PARP8: variants seen among roughly 807,000 people sequenced by gnomAD.
PARP8 encodes protein mono-ADP-ribosyltransferase PARP8.
In PARP8, 51 loss-of-function variants were observed where a neutral mutation model predicts 124.1. That is an observed-to-expected ratio of 0.41 (90% CI 0.33 to 0.52). The LOEUF is 0.52. Among genes scored for constraint, PARP8 ranks in the 20% least tolerant of loss-of-function variants. The pLI, the probability that PARP8 is intolerant of heterozygous loss-of-function variation, is 0.21. For missense variants in PARP8, 860 were observed against 1,018.9 expected (o/e 0.84, Z 2.12); for synonymous variants, 391 against 361.5 (o/e 1.08, Z -0.93).
intron 22 of PARP8, 25 bp downstream of exon 22, chr5:50,829,986 A>G (rs1746762905): frequency 1.3e-6 from 2 of 1,598,406 alleles, no homozygotes; most frequent in African/African-American, 2.7e-5. Flanking sequence ...TCATTTCTAA[A>G]GTCACATTTA....
At chr5:50,769,366 C>T (rs1173045238) in intron 7 of PARP8, among the ~76,000 whole-genome samples, 2 of 151,458 alleles carry the variant, frequency 1.3e-5, no homozygotes, top group South Asian at 2.1e-4. Context: ...TTGTTTCCCT[C>T]CCATAAAATT....
chr5:50,725,511 T>TG (rs1201825504), intron 2 of PARP8, among the ~76,000 whole-genome samples: 1 of 152,158 alleles, frequency 6.6e-6, no homozygotes, highest in Non-Finnish European at 1.5e-5. Flanking sequence ...GGGAAAATAT[T>TG]GGCTAAATAT....
chr5:50,791,111 G>A (rs915427932), intron 10 of PARP8, among the ~76,000 whole-genome samples: 1 of 152,024 alleles, frequency 6.6e-6, no homozygotes, highest in African/African-American at 2.4e-5. Context: ...TTATCAGTTG[G>A]TTTTCAGTAA....
At chr5:50,736,079 A>G (rs1757446978) in intron 2 of PARP8, among the ~76,000 whole-genome samples, 1 of 151,812 alleles carries the variant, frequency 6.6e-6, no homozygotes, top group Non-Finnish European at 1.5e-5. Context: ...TTGATTCCCA[A>G]AAAATTAGAA....
chr5:50,705,868 C>T (rs923031865), intron 2 of PARP8, among the ~76,000 whole-genome samples: 15 of 152,078 alleles, frequency 9.9e-5, no homozygotes, highest in African/African-American at 2.4e-4. Context: ...TGCCATTTGC[C>T]TGCATTTCAT....
chr5:50,702,497 T>G (rs2149477103), intron 2 of PARP8, among the ~76,000 whole-genome samples: 1 of 152,286 alleles, frequency 6.6e-6, no homozygotes. Context: ...TCTAGGGCGT[T>G]TTTATTTTCT....
At chr5:50,785,054 A>G (rs763069889) in intron 9 of PARP8, among the ~76,000 whole-genome samples, 36 of 151,882 alleles carry the variant, frequency 2.4e-4, no homozygotes, top group Non-Finnish European at 3.8e-4. Flanking sequence ...CATTTATTTT[A>G]ATAATAATAT....
At chr5:50,751,028 T>C (rs760640199) in intron 3 of PARP8, among the ~76,000 whole-genome samples, 1 of 152,158 alleles carries the variant, frequency 6.6e-6, no homozygotes, top group Non-Finnish European at 1.5e-5. Flanking sequence ...CCACTATTTA[T>C]TGTAAATACA....
At chr5:50,824,102 G>A (rs923955328) in intron 17 of PARP8, among the ~76,000 whole-genome samples, 1 of 152,198 alleles carries the variant, frequency 6.6e-6, no homozygotes, top group Non-Finnish European at 1.5e-5. Flanking sequence ...CTGTGAAATG[G>A]TTGTTGGTTA....
In PARP8 at chr5:50,709,953, T is replaced by TACAC. The variant is rs1271777319; in HGVS notation, c.147-40197_147-40196insCACA. Reference sequence around the variant, plus strand: ...ATATATATATATATATATATATATATATACACATACATATATACACACACA... The same window carrying TACAC: ...ATATATATATATATATATATATATATACACATACACATACATATATACACACACA... On this transcript the variant is annotated intron_variant, in intron 2 of 25. Transcript: ENST00000281631. Among the ~76,000 whole-genome samples the TACAC allele has an allele frequency of 1.5e-3, 110 of 75,032 alleles. 1 individual carries two copies. The highest frequency in any genetic ancestry group is 6.5e-3 in the Middle Eastern group (1 of 154). 49.2% of individuals were successfully genotyped at this position (75,032 alleles called of 152,430 possible). A position where few individuals can be genotyped will look rare whatever the true frequency, so the allele number is the denominator to read the frequency against.
At chr5:50,726,879 A>G (rs1167959329) in intron 2 of PARP8, among the ~76,000 whole-genome samples, 1 of 152,092 alleles carries the variant, frequency 6.6e-6, no homozygotes. Context: ...GGAAATTTGT[A>G]TTTTAGAATA....
At chr5:50,833,460 A>C (rs911397873) in intron 23 of PARP8, 10 of 447,006 alleles carry the variant, frequency 2.2e-5, no homozygotes, top group African/African-American at 2.0e-4. Flanking sequence ...ATCATCTGAT[A>C]AGTAGTGTGA....
chr5:50,792,995 T>C (rs528366471), intron 10 of PARP8, among the ~76,000 whole-genome samples: 1 of 152,190 alleles, frequency 6.6e-6, no homozygotes, highest in East Asian at 1.9e-4. Context: ...GCATGTGTTA[T>C]ACATATCAAA....
intron 2 of PARP8, among the ~76,000 whole-genome samples, chr5:50,711,752 T>C (rs1266211367): frequency 6.6e-6 from 1 of 152,100 alleles, no homozygotes; most frequent in Non-Finnish European, 1.5e-5. Context: ...TCAAGGTCCT[T>C]ATGTTTAAAG....
chr5:50,824,873 A>G, intron 17 of PARP8, 35 bp from the exon 18 acceptor site: 3 of 1,564,804 alleles, frequency 1.9e-6, no homozygotes, highest in Non-Finnish European at 2.6e-6. Flanking sequence ...ATGAATTTTT[A>G]TGAAAAATCA....
At chr5:50,788,888 G>C (rs568493678) in intron 10 of PARP8, among the ~76,000 whole-genome samples, 1 of 152,220 alleles carries the variant, frequency 6.6e-6, no homozygotes, top group Non-Finnish European at 1.5e-5. Context: ...TCCCTAACAT[G>C]ACCAGTGGAG....
At chr5:50,667,433 C>CG (rs1749433637) in intron 1 of PARP8, 2 of 701,272 alleles carry the variant, frequency 2.9e-6, no homozygotes, top group South Asian at 3.0e-5. Flanking sequence ...GTGGCCGGAG[C>CG]GGGGGTCTAG....
chr5:50,810,877 T>C (rs1446232795), intron 14 of PARP8, among the ~76,000 whole-genome samples: 1 of 152,072 alleles, frequency 6.6e-6, no homozygotes, highest in Non-Finnish European at 1.5e-5. Context: ...TGGTGTATGG[T>C]ATATAAATTA....
chr5:50,729,827 G>A (rs1244988546), intron 2 of PARP8, among the ~76,000 whole-genome samples: 1 of 152,030 alleles, frequency 6.6e-6, no homozygotes, highest in Non-Finnish European at 1.5e-5. Flanking sequence ...AATACTCATT[G>A]GTTTTAAAAG....
Sources: allele counts gnomAD v4.1 joint callset (sites outside exome capture counted in the v4.1 genomes callset), GRCh38; gene constraint gnomAD v4.1.1; transcripts MANE v1.5; gene names NCBI Gene and HGNC (gene_info 2026-07-23, HGNC 2026-07-21).